The following SRBD1 variants were observed in gnomAD, a reference collection of about 807,000 sequenced individuals.
SRBD1 encodes S1 RNA-binding domain-containing protein 1.
Under a neutral mutation model 115.3 loss-of-function variants are expected in SRBD1, and 88 were observed. The ratio of observed to expected loss-of-function variants is 0.76; its 90% CI spans 0.64 to 0.91. SRBD1 has a LOEUF of 0.91. Ranked by LOEUF, SRBD1 falls within the 40% of genes least tolerant of loss-of-function variation. The pLI, the probability that SRBD1 is intolerant of heterozygous loss-of-function variation, is 0.00. For missense variants in SRBD1, 1,385 were observed against 1,177.4 expected (o/e 1.18, Z -2.58); for synonymous variants, 509 against 407.7 (o/e 1.25, Z -2.99).
chr2:45,595,502 T>G lies in SRBD1; in HGVS notation c.648+3947A>C, dbSNP rs551444513. On this transcript the variant is annotated intron_variant, in intron 4 of 20. Transcript: ENST00000263736. ...AATATGCATGTTACAGGTATTTTGT[T>G]GAGTCTGATCCTTATCCAAATGTTC... 1.3e-4 allele frequency among the ~76,000 whole-genome samples: 20 copies of G among 152,348 alleles called. No individual in the cohort carries two copies. In the South Asian group the frequency reaches 4.1e-3, roughly 32 times the overall value.
chr2:45,549,696 CA>C (rs10646755), intron 12 of SRBD1, among the ~76,000 whole-genome samples: 4,270 of 84,696 alleles, frequency 0.05, 255 homozygotes, highest in African/African-American at 0.18. Context: ...ACTAAAAATA[CA>C]AAAAAAAAAA....
At chr2:45,527,553 AATT>A (rs774284139) in intron 14 of SRBD1, among the ~76,000 whole-genome samples, 84 of 148,482 alleles carry the variant, frequency 5.7e-4, no homozygotes, top group Middle Eastern at 3.4e-3. Flanking sequence ...CAAAAATAAT[AATT>A]ATTATTACAC....
intron 16 of SRBD1, among the ~76,000 whole-genome samples, chr2:45,454,017 G>C (rs896044713): frequency 6.6e-6 from 1 of 151,890 alleles, no homozygotes; most frequent in African/African-American, 2.4e-5. Flanking sequence ...TTTCGAAGCA[G>C]AGTTCTTACA....
chr2:45,561,207 A>C (rs1384235266), intron 10 of SRBD1, among the ~76,000 whole-genome samples: 1 of 152,258 alleles, frequency 6.6e-6, no homozygotes, highest in Non-Finnish European at 1.5e-5. Flanking sequence ...ATAAATGCTA[A>C]TTGTAAATTG....
intron 15 of SRBD1, among the ~76,000 whole-genome samples, chr2:45,481,203 A>G (rs1207945398): frequency 6.6e-6 from 1 of 152,230 alleles, no homozygotes; most frequent in East Asian, 1.9e-4. Flanking sequence ...TTTTGTATGC[A>G]CTGAGAAAAC....
chr2:45,516,193 T>C (rs1203043782), intron 14 of SRBD1, among the ~76,000 whole-genome samples: 2 of 152,182 alleles, frequency 1.3e-5, no homozygotes, highest in Non-Finnish European at 2.9e-5. Flanking sequence ...TGAGAATCTT[T>C]TGCTCTTAAA....
chr2:45,468,495 C>T (rs753347822), intron 16 of SRBD1, among the ~76,000 whole-genome samples: 1 of 151,874 alleles, frequency 6.6e-6, no homozygotes, highest in Non-Finnish European at 1.5e-5. Flanking sequence ...CCAAGTGATC[C>T]TTTCACCTCA....
intron 5 of SRBD1, among the ~76,000 whole-genome samples, chr2:45,583,018 C>T (rs1162122883): frequency 3.3e-5 from 5 of 152,124 alleles, no homozygotes; most frequent in South Asian, 2.1e-4. Context: ...GTAGTTCCCC[C>T]ACTTTACAAC....
chr2:45,538,054 C>T (rs574919220), intron 14 of SRBD1, among the ~76,000 whole-genome samples: 32 of 152,308 alleles, frequency 2.1e-4, no homozygotes, highest in African/African-American at 7.2e-4. Flanking sequence ...TCAACAGATT[C>T]TGTCCAAGAG....
intron 2 of SRBD1, among the ~76,000 whole-genome samples, chr2:45,603,915 C>T (rs1674180226): frequency 6.6e-6 from 1 of 152,036 alleles, no homozygotes; most frequent in Non-Finnish European, 1.5e-5. Context: ...CCTGAATGTC[C>T]AGCAATCACA....
chr2:45,485,239 G>A (rs1308949934), intron 15 of SRBD1, among the ~76,000 whole-genome samples: 1 of 152,110 alleles, frequency 6.6e-6, no homozygotes, highest in Non-Finnish European at 1.5e-5. Context: ...TGAACCTATA[G>A]GGGTTTCGTG....
chr2:45,519,787 C>T (rs1353509130), intron 14 of SRBD1, among the ~76,000 whole-genome samples: 1 of 152,090 alleles, frequency 6.6e-6, no homozygotes, highest in Non-Finnish European at 1.5e-5. Flanking sequence ...TGTGTCTCTG[C>T]TATACAGTAA....
chr2:45,467,036 C>A (rs921718528), intron 16 of SRBD1, among the ~76,000 whole-genome samples: 19 of 152,176 alleles, frequency 1.2e-4, no homozygotes, highest in African/African-American at 4.3e-4. Flanking sequence ...GCATTAGAGA[C>A]CAGTGGTTCT....
chr2:45,547,193 C>T (rs992104834), intron 13 of SRBD1, among the ~76,000 whole-genome samples: 2 of 152,138 alleles, frequency 1.3e-5, no homozygotes, highest in Non-Finnish European at 2.9e-5. Context: ...AATATATTGT[C>T]AATTTCTGAA....
intron 15 of SRBD1, among the ~76,000 whole-genome samples, chr2:45,479,842 C>A (rs563688177): frequency 3.3e-5 from 5 of 152,112 alleles, no homozygotes; most frequent in Non-Finnish European, 5.9e-5. Flanking sequence ...GAAGTCAATG[C>A]CTGGCTTCAA....
At chr2:45,509,241 C>A (rs1670888587) in intron 14 of SRBD1, among the ~76,000 whole-genome samples, 1 of 152,022 alleles carries the variant, frequency 6.6e-6, no homozygotes, top group Admixed American at 6.6e-5. Context: ...CTATTATGAG[C>A]AAATTTGAGA....
At chr2:45,404,805 C>T (rs1388502279) in intron 19 of SRBD1, among the ~76,000 whole-genome samples, 1 of 152,064 alleles carries the variant, frequency 6.6e-6, no homozygotes, top group Non-Finnish European at 1.5e-5. Flanking sequence ...TCCCAATGCC[C>T]TTTTGACTCA....
chr2:45,502,999 T>C (rs1246322182), intron 14 of SRBD1, among the ~76,000 whole-genome samples: 2 of 152,112 alleles, frequency 1.3e-5, no homozygotes, highest in East Asian at 3.9e-4. Context: ...TTTTTAATTT[T>C]GATGAAGTCT....
At chr2:45,549,632 C>G (rs1173183350) in intron 12 of SRBD1, among the ~76,000 whole-genome samples, 1 of 142,470 alleles carries the variant, frequency 7.0e-6, no homozygotes, top group Non-Finnish European at 1.5e-5. Flanking sequence ...AGGCACATAG[C>G]TTGAGCTCAG....
Sources: allele counts gnomAD v4.1 joint callset (sites outside exome capture counted in the v4.1 genomes callset), GRCh38; gene constraint gnomAD v4.1.1; transcripts MANE v1.5; gene names NCBI Gene and HGNC (gene_info 2026-07-23, HGNC 2026-07-21).